Variants in UGP2 observed in about 807,000 individuals in gnomAD.
UGP2 encodes UDP-glucose pyrophosphorylase 2.
UGP2 carries 40 observed loss-of-function variants against 49.0 expected under a neutral mutation model. That is an observed-to-expected ratio of 0.82 (90% CI 0.63 to 1.06). The LOEUF (loss-of-function observed/expected upper bound fraction) is 1.06, where lower values mean the gene tolerates loss of function less well. Ranked by LOEUF, UGP2 falls within the 50% of genes least tolerant of loss-of-function variation. UGP2 has a pLI of 0.00. For missense variants in UGP2, 460 were observed against 603.5 expected, an observed-to-expected ratio of 0.76 and a Z score of 2.49; for synonymous variants, 225 against 213.0, an observed-to-expected ratio of 1.06 and a Z score of -0.49.
chr2:63,871,882 T>C (rs1465050458), intron 3 of UGP2, among the ~76,000 whole-genome samples: 1 of 152,148 alleles, frequency 6.6e-6, no homozygotes, highest in Non-Finnish European at 1.5e-5. Context: ...AAGCTTGGGT[T>C]TTTTCCAGAA....
chr2:63,862,548 T>G (rs1669920911), intron 3 of UGP2, among the ~76,000 whole-genome samples: 1 of 152,112 alleles, frequency 6.6e-6, no homozygotes. Context: ...TAATTTCACT[T>G]TAGAAATAGC....
intron 3 of UGP2, among the ~76,000 whole-genome samples, chr2:63,863,413 A>G (rs546496945): frequency 6.6e-6 from 1 of 152,142 alleles, no homozygotes; most frequent in Non-Finnish European, 1.5e-5. Context: ...TTCCAGGTTT[A>G]AAGTGCACAG....
chr2:63,857,909 A>G lies in UGP2; in HGVS notation c.228A>G (p.Gly76=), dbSNP rs763753052. 6.2e-7 allele frequency: 1 copy of G among 1,613,900 alleles called. No individual in the cohort carries two copies. The highest frequency in any genetic ancestry group is 2.2e-5 in the East Asian group (1 of 44,868). Residue 76 remains glycine (G), a synonymous_variant, in exon 3 of 10, where the codon GGA becomes GGG. Transcript: ENST00000337130. Reference sequence around the variant, plus strand: ...AAAAGGGGCCTTCTGTGGATTGGGGAAAAATCCAGAGACCCCCTGAAGATT... The same window carrying G: ...AAAAGGGGCCTTCTGTGGATTGGGGGAAAATCCAGAGACCCCCTGAAGATT... ...LQEKGPSVDW[G]KIQRPPEDSI...
intron 1 of UGP2, among the ~76,000 whole-genome samples, chr2:63,848,795 T>C (rs1340365722): frequency 6.6e-6 from 1 of 152,234 alleles, no homozygotes; most frequent in Non-Finnish European, 1.5e-5. Context: ...GACTTATGTG[T>C]GAGAAAAAAG....
intron 7 of UGP2, among the ~76,000 whole-genome samples, chr2:63,887,098 T>C (rs572875765): frequency 6.6e-6 from 1 of 152,114 alleles, no homozygotes; most frequent in African/African-American, 2.4e-5. Context: ...ACCCCATCTC[T>C]ACTAAAAATA....
intron 3 of UGP2, chr2:63,862,920 C>T (rs546221267): frequency 3.5e-5 from 16 of 452,494 alleles, no homozygotes; most frequent in South Asian, 1.7e-4. Context: ...CAGATTGTGA[C>T]GTAAGCAGGT....
At chr2:63,858,275 T>A (rs534625536) in intron 3 of UGP2, among the ~76,000 whole-genome samples, 14 of 152,348 alleles carry the variant, frequency 9.2e-5, no homozygotes, top group African/African-American at 3.4e-4. Context: ...AACATTTGAT[T>A]TCTCATTGCC....
intron 9 of UGP2, among the ~76,000 whole-genome samples, chr2:63,890,422 C>G (rs547699309): frequency 6.6e-6 from 1 of 152,164 alleles, no homozygotes; most frequent in South Asian, 2.1e-4. Flanking sequence ...TGAATATAAC[C>G]TATTAAAGGA....
At chr2:63,850,189 A>G (rs1668955335) in intron 1 of UGP2, among the ~76,000 whole-genome samples, 1 of 152,222 alleles carries the variant, frequency 6.6e-6, no homozygotes, top group Non-Finnish European at 1.5e-5. Context: ...TGGTTTATAT[A>G]TAAATTGTAG....
intron 1 of UGP2, among the ~76,000 whole-genome samples, chr2:63,853,809 C>G (rs1307327491): frequency 6.6e-6 from 1 of 152,066 alleles, no homozygotes; most frequent in Non-Finnish European, 1.5e-5. Flanking sequence ...TAAAAAAGCC[C>G]ATGATGTTGA....
At chr2:63,848,124 G>A (rs1668792221) in intron 1 of UGP2, among the ~76,000 whole-genome samples, 1 of 152,126 alleles carries the variant, frequency 6.6e-6, no homozygotes, top group Non-Finnish European at 1.5e-5. Flanking sequence ...TCTGGCTTGG[G>A]GTTTAATGGA....
chr2:63,855,520 G>GTTTTTTTTTTTTTTTTTTTTC (rs1669337706), intron 1 of UGP2: 17 of 194,306 alleles, frequency 8.7e-5, no homozygotes, highest in South Asian at 1.2e-4. Context: ...TTCTTTTTCT[G>GTTTTTTTTTTTTTTTTTTTTC]TTTTTTTTTT....
At chr2:63,857,151 A>G (rs1361836204) in intron 2 of UGP2, among the ~76,000 whole-genome samples, 1 of 152,102 alleles carries the variant, frequency 6.6e-6, no homozygotes, top group Non-Finnish European at 1.5e-5. Context: ...AAATACAAAA[A>G]TTAGCCAGGC....
chr2:63,868,114 G>A (rs1484840885), intron 3 of UGP2, among the ~76,000 whole-genome samples: 2 of 152,232 alleles, frequency 1.3e-5, no homozygotes, highest in East Asian at 3.8e-4. Context: ...CCAAACTCAA[G>A]ATAAATGTAA....
At chr2:63,850,680 G>C (rs568553081) in intron 1 of UGP2, among the ~76,000 whole-genome samples, 2 of 152,278 alleles carry the variant, frequency 1.3e-5, no homozygotes, top group South Asian at 2.1e-4. Flanking sequence ...CCATATCCCT[G>C]ATACTTGACT....
intron 3 of UGP2, among the ~76,000 whole-genome samples, chr2:63,877,587 T>A (rs1419910462): frequency 6.6e-6 from 1 of 152,250 alleles, no homozygotes; most frequent in African/African-American, 2.4e-5. Flanking sequence ...GATGGAGTAA[T>A]GGCTCTCATG....
intron 3 of UGP2, among the ~76,000 whole-genome samples, chr2:63,878,823 C>G (rs1262098572): frequency 1.3e-5 from 2 of 152,170 alleles, no homozygotes; most frequent in Admixed American, 1.3e-4. Context: ...GCCTCAGACT[C>G]CCAAAGTGTT....
rs550281735 is a variant in UGP2, at chr2:63,856,507, G to A, written c.147+74G>A. On this transcript the variant is annotated intron_variant, in intron 2 of 9. Transcript: ENST00000337130. ...GTCTTCATGCTGAGTTGCTGCCGGT[G>A]ATGATGATAATCATCACCTCAAATC... 52 of 1,494,344 alleles carry A rather than the reference G, an allele frequency of 3.5e-5. No individual in the cohort carries two copies. The East Asian group carries it at 1.2e-3, about 34-fold the overall frequency. 92.6% of individuals were successfully genotyped at this position (1,494,344 alleles called of 1,614,324 possible).
chr2:63,865,505 T>C (rs1057454572), intron 3 of UGP2, among the ~76,000 whole-genome samples: 3 of 151,914 alleles, frequency 2.0e-5, no homozygotes, highest in Non-Finnish European at 4.4e-5. Context: ...ATAACTGGTG[T>C]TCTCCATTCT....
Sources: allele counts gnomAD v4.1 joint callset (sites outside exome capture counted in the v4.1 genomes callset), GRCh38; gene constraint gnomAD v4.1.1; transcripts MANE v1.5; gene names NCBI Gene and HGNC (gene_info 2026-07-23, HGNC 2026-07-21).